ASTN2: variants seen among roughly 807,000 people sequenced by gnomAD.
ASTN2 encodes the protein astrotactin-2.
In ASTN2, 54 loss-of-function variants were observed where a neutral mutation model predicts 139.8. The observed-to-expected ratio is 0.39, with a 90% confidence interval of 0.31 to 0.48. The LOEUF is 0.48. Ranked by LOEUF, ASTN2 falls within the 20% of genes least tolerant of loss-of-function variation. The probability of loss-of-function intolerance (pLI) is 0.95; values close to 1 mark genes in which losing one functional copy is unlikely to be tolerated. For synonymous variants in ASTN2, 756 were observed against 719.5 expected, an observed-to-expected ratio of 1.05 and a Z score of -0.81; for missense variants, 1,565 against 1,725.1, an observed-to-expected ratio of 0.91 and a Z score of 1.64.
rs146899409 is a variant in ASTN2, at chr9:117,057,501, T to C, written c.1277-17536A>G. On this transcript the variant is annotated intron_variant, in intron 5 of 22. Transcript: ENST00000313400. ...AACAACATTAGCACAAATTTATTTG[T>C]AAAATGCCCACACCTGAACAGCTTG... Among the ~76,000 whole-genome samples, 64 of 152,308 alleles carry C rather than the reference T, an allele frequency of 4.2e-4. 1 individual carries two copies. The highest frequency in any genetic ancestry group is 1.3e-3 in the African/African-American group (55 of 41,560).
chr9:117,111,929 ATTACT>A (rs1274521864), intron 4 of ASTN2, among the ~76,000 whole-genome samples: 3 of 152,092 alleles, frequency 2.0e-5, no homozygotes, highest in Admixed American at 1.3e-4. Flanking sequence ...ATTAGAATAA[ATTACT>A]TTAGCATGAT....
chr9:117,108,077 A>T (rs1448494681), intron 4 of ASTN2, among the ~76,000 whole-genome samples: 1 of 152,214 alleles, frequency 6.6e-6, no homozygotes, highest in Admixed American at 6.5e-5. Context: ...CATTGAGTAC[A>T]TGTAAGACTG....
intron 7 of ASTN2, among the ~76,000 whole-genome samples, chr9:116,999,538 TTCTC>T (rs1185398252): frequency 1.3e-4 from 19 of 147,800 alleles, no homozygotes; most frequent in African/African-American, 3.3e-4. Context: ...CTTTCTTTCT[TTCTC>T]TCTTTCTTTT....
chr9:117,413,070 T>C (rs1219722365), intron 1 of ASTN2, among the ~76,000 whole-genome samples: 1 of 152,154 alleles, frequency 6.6e-6, no homozygotes, highest in Non-Finnish European at 1.5e-5. Context: ...ACGCTCAGGT[T>C]ACAGCCTGCG....
At chr9:116,831,415 C>T (rs1588330940) in intron 11 of ASTN2, among the ~76,000 whole-genome samples, 1 of 152,130 alleles carries the variant, frequency 6.6e-6, no homozygotes, top group South Asian at 2.1e-4. Flanking sequence ...TTCCATATGT[C>T]TAAGTCCTTC....
At chr9:117,222,431 G>C (rs1312181669) in intron 2 of ASTN2, among the ~76,000 whole-genome samples, 1 of 152,076 alleles carries the variant, frequency 6.6e-6, no homozygotes, top group Non-Finnish European at 1.5e-5. Flanking sequence ...CCTGAAAGGA[G>C]ACTTGTCAGA....
intron 2 of ASTN2, among the ~76,000 whole-genome samples, chr9:117,265,005 T>A (rs1833910194): frequency 6.6e-6 from 1 of 152,160 alleles, no homozygotes; most frequent in South Asian, 2.1e-4. Context: ...TTTTTCTCTG[T>A]TTCAACTAGA....
chr9:116,831,240 C>A (rs1161731009), intron 11 of ASTN2, among the ~76,000 whole-genome samples: 1 of 151,382 alleles, frequency 6.6e-6, no homozygotes, highest in South Asian at 2.1e-4. Context: ...TGACAAAGTA[C>A]TACTGATTGG....
intron 1 of ASTN2, among the ~76,000 whole-genome samples, chr9:117,344,390 C>A (rs1829153339): frequency 6.6e-6 from 1 of 152,052 alleles, no homozygotes; most frequent in Non-Finnish European, 1.5e-5. Flanking sequence ...AAGTCCAGGT[C>A]CCCAAAGACC....
At chr9:117,307,853 T>C (rs539834098) in intron 1 of ASTN2, among the ~76,000 whole-genome samples, 2 of 152,304 alleles carry the variant, frequency 1.3e-5, no homozygotes, top group African/African-American at 4.8e-5. Flanking sequence ...GGCCACGTTT[T>C]GCACTCAAAC....
chr9:116,934,904 G>T (rs982803866), intron 10 of ASTN2, among the ~76,000 whole-genome samples: 2 of 152,190 alleles, frequency 1.3e-5, no homozygotes, highest in Non-Finnish European at 2.9e-5. Context: ...GTAGAAGCAG[G>T]TTTGGTTGCC....
At chr9:116,717,369 C>T (rs1460317102) in intron 16 of ASTN2, among the ~76,000 whole-genome samples, 1 of 152,120 alleles carries the variant, frequency 6.6e-6, no homozygotes, top group Non-Finnish European at 1.5e-5. Flanking sequence ...TGAACCACAT[C>T]CTGTATCGTC....
At chr9:116,929,378 G>A (rs1834840342) in intron 10 of ASTN2, among the ~76,000 whole-genome samples, 1 of 152,128 alleles carries the variant, frequency 6.6e-6, no homozygotes, top group Non-Finnish European at 1.5e-5. Context: ...CTTTGGTATA[G>A]ATTATTTGCT....
chr9:116,655,405 T>C (rs1564185757), intron 16 of ASTN2, among the ~76,000 whole-genome samples: 2 of 152,206 alleles, frequency 1.3e-5, no homozygotes, highest in African/African-American at 2.4e-5. Context: ...ACCAAAACCA[T>C]TAAGAGAGCA....
intron 10 of ASTN2, among the ~76,000 whole-genome samples, chr9:116,893,774 C>T (rs1272107402): frequency 6.6e-6 from 1 of 152,122 alleles, no homozygotes; most frequent in Non-Finnish European, 1.5e-5. Context: ...CATTTCCAAG[C>T]CACCATACTT....
intron 15 of ASTN2, among the ~76,000 whole-genome samples, chr9:116,727,053 C>T (rs1828647267): frequency 7.4e-6 from 1 of 134,428 alleles, no homozygotes; most frequent in South Asian, 2.5e-4. Context: ...CACACACACA[C>T]ACCTGAAATG....
At chr9:116,772,002 G>A (rs1369579021) in intron 13 of ASTN2, among the ~76,000 whole-genome samples, 2 of 152,162 alleles carry the variant, frequency 1.3e-5, no homozygotes, top group African/African-American at 4.8e-5. Flanking sequence ...ATAGCTCCAG[G>A]ATCCATCCTG....
intron 6 of ASTN2, among the ~76,000 whole-genome samples, chr9:117,016,545 AG>A (rs1258558427): frequency 6.9e-6 from 1 of 145,726 alleles, no homozygotes; most frequent in Non-Finnish European, 1.5e-5. Flanking sequence ...CCCAGAAAAA[AG>A]ACCATGGAGA....
intron 16 of ASTN2, among the ~76,000 whole-genome samples, chr9:116,684,842 C>A (rs1367409621): frequency 6.6e-6 from 1 of 152,188 alleles, no homozygotes; most frequent in Non-Finnish European, 1.5e-5. Flanking sequence ...ATGATTGAGA[C>A]AGTAAAAGAG....
Sources: allele counts gnomAD v4.1 joint callset (sites outside exome capture counted in the v4.1 genomes callset), GRCh38; gene constraint gnomAD v4.1.1; transcripts MANE v1.5; gene names NCBI Gene and HGNC (gene_info 2026-07-23, HGNC 2026-07-21).